ARID1B: variants seen among roughly 807,000 people sequenced by gnomAD.
ARID1B encodes the protein AT-rich interactive domain-containing protein 1B.
ARID1B carries 30 observed loss-of-function variants against 212.3 expected under a neutral mutation model. The ratio of observed to expected loss-of-function variants is 0.14; its 90% CI spans 0.11 to 0.19. The LOEUF is 0.19. Ranked by LOEUF, ARID1B falls within the 10% of genes least tolerant of loss-of-function variation. The probability of loss-of-function intolerance (pLI) is 1.00; values close to 1 mark genes in which losing one functional copy is unlikely to be tolerated. For synonymous variants in ARID1B, 1,402 were observed against 1,301.7 expected, an observed-to-expected ratio of 1.08 and a Z score of -1.66; for missense variants, 2,891 against 3,204.0, an observed-to-expected ratio of 0.90 and a Z score of 2.36.
In ARID1B at chr6:156,899,275, C is replaced by T. The variant is rs140050651; in HGVS notation, c.1987-2101C>T. On this transcript the variant is annotated intron_variant, in intron 2 of 19. Transcript: ENST00000636930. ...GGACTTAGAGTCCATGTATTTCAAA[C>T]CCAAAGATTCTTTGGGTAAACTAGA... Among the ~76,000 whole-genome samples, 276 of 152,272 alleles carry T rather than the reference C, an allele frequency of 1.8e-3. 6 individuals are homozygous for T. In the East Asian group the frequency reaches 0.038, roughly 21 times the overall value.
Position 157,206,706 on chromosome 6 carries a change from A to G in ARID1B, c.5934A>G (p.Arg1978=). ...CTCCCCCCTTAAGCTCCGCAGGTAG[A>G]AAGAAAGAGCAAGAAGGCAAAGGCG... The part of the protein sequence containing the change: ...RPPPPLSSAG[R]KKEQEGKGDS... The change falls in exon 20 of 20, where the codon AGA becomes AGG. Residue 1978 remains arginine, a synonymous_variant. Transcript: ENST00000636930. The surrounding 1 kb of genome is among the most constrained non-coding windows in gnomAD (Gnocchi z 6.8). 6.2e-7 allele frequency: 1 copy of G among 1,612,880 alleles called. No individual in the cohort carries two copies. Among genetic ancestry groups the G allele is most frequent in the Non-Finnish European group, 8.5e-7 (1 of 1,180,010 alleles).
chr6:157,089,721 A>G (rs967132621), intron 5 of ARID1B, among the ~76,000 whole-genome samples: 7 of 152,142 alleles, frequency 4.6e-5, no homozygotes, highest in African/African-American at 1.7e-4. Context: ...TGATGTATTT[A>G]TATTTAGAGA....
intron 2 of ARID1B, among the ~76,000 whole-genome samples, chr6:156,838,733 A>AATAATAAT (rs1049287456): frequency 1.3e-5 from 2 of 149,678 alleles, no homozygotes; most frequent in Admixed American, 6.6e-5. Flanking sequence ...TAATAATAAT[A>AATAATAAT]AACAAAAAAA....
intron 3 of ARID1B, among the ~76,000 whole-genome samples, chr6:156,918,357 G>T (rs565827884): frequency 6.6e-6 from 1 of 152,110 alleles, no homozygotes; most frequent in Admixed American, 6.5e-5. Flanking sequence ...ACCTTACAAG[G>T]CCTGTGGAAA....
At chr6:156,872,724 G>T (rs929111114) in intron 2 of ARID1B, among the ~76,000 whole-genome samples, 1 of 152,104 alleles carries the variant, frequency 6.6e-6, no homozygotes, top group African/African-American at 2.4e-5. Context: ...ACCAGAAAAA[G>T]GGGAAATAGG....
intron 2 of ARID1B, among the ~76,000 whole-genome samples, chr6:156,854,647 C>T (rs932369560): frequency 2.6e-5 from 4 of 152,246 alleles, no homozygotes; most frequent in African/African-American, 7.2e-5. Flanking sequence ...TAAACCGTCG[C>T]GGTGTGCCCC....
intron 5 of ARID1B, 90 bp downstream of exon 5, chr6:157,084,995 A>G: frequency 6.8e-7 from 1 of 1,468,058 alleles, no homozygotes; most frequent in Non-Finnish European, 9.1e-7. Context: ...TTTACTATTT[A>G]AAACCTAGTG....
Position 157,000,092 on chromosome 6 carries a change from C to T in ARID1B, c.2247+64516C>T, listed in dbSNP as rs143438061. Among the ~76,000 whole-genome samples, 7 of 152,234 alleles carry T rather than the reference C, an allele frequency of 4.6e-5. No individual in the cohort carries two copies. In the East Asian group the frequency reaches 1.4e-3, roughly 29 times the overall value. ...TAAAATCTGAAGGAGAAGGAGCCAC[C>T]TAGGCAAGGGTTTGACAAGAGAGCA... On this transcript the variant is annotated intron_variant, in intron 4 of 19. Transcript: ENST00000636930.
rs191596081 is a variant in ARID1B at position 157,048,225 on chromosome 6, C to T, written c.2248-36437C>T. On this transcript the variant is annotated intron_variant, in intron 4 of 19. Coordinates refer to ENST00000636930, the MANE Select transcript of ARID1B (RefSeq NM_001374828.1). Reference sequence around the variant, plus strand: ...GGAATATGCTTAAAGCCAAGTAGAACATTTATGTGAATTAAAGAATATATC... The same window carrying T: ...GGAATATGCTTAAAGCCAAGTAGAATATTTATGTGAATTAAAGAATATATC... Among the ~76,000 whole-genome samples the T allele has an allele frequency of 8.5e-5, 13 of 152,248 alleles. No homozygotes were observed. In the East Asian group the frequency reaches 2.5e-3, roughly 29 times the overall value.
chr6:156,859,688 A>G (rs1016371927), intron 2 of ARID1B, among the ~76,000 whole-genome samples: 1 of 152,236 alleles, frequency 6.6e-6, no homozygotes, highest in Non-Finnish European at 1.5e-5. Context: ...AAGCTTTTCT[A>G]GATTAAAAGC....
At chr6:157,139,106 T>C (rs1005723521) in intron 7 of ARID1B, among the ~76,000 whole-genome samples, 10 of 152,130 alleles carry the variant, frequency 6.6e-5, no homozygotes, top group African/African-American at 1.7e-4. Flanking sequence ...ACAAATCAAC[T>C]TAAAATGAAA....
chr6:157,010,899 C>T lies in ARID1B; in HGVS notation c.2248-73763C>T, dbSNP rs142075029. Reference sequence around the variant, plus strand: ...AGATTGTGATCACTAATAGAACTATCATAGGGAATTATTAGTTTAACTTTT... The same window carrying T: ...AGATTGTGATCACTAATAGAACTATTATAGGGAATTATTAGTTTAACTTTT... On this transcript the variant is annotated intron_variant, in intron 4 of 19. Transcript: ENST00000636930. Among the ~76,000 whole-genome samples the T allele has an allele frequency of 2.7e-3, 409 of 152,260 alleles. 3 individuals carry two copies. The highest frequency in any genetic ancestry group is 7.2e-3 in the African/African-American group (300 of 41,554).
Position 156,818,124 on chromosome 6 carries a change from T to TTTC in ARID1B, c.1792-11103_1792-11102insTTC, listed in dbSNP as rs1554255156. Among the ~76,000 whole-genome samples, 366 of 133,432 alleles carry TTTC rather than the reference T, an allele frequency of 2.7e-3. 10 individuals carry two copies. The highest frequency in any genetic ancestry group is 0.019 in the East Asian group (72 of 3,806). 87.5% of individuals were successfully genotyped at this position (133,432 alleles called of 152,430 possible). A position where few individuals can be genotyped will look rare whatever the true frequency, so the allele number is the denominator to read the frequency against. Reference sequence around the variant, plus strand: ...TTTTTTTTTTTTTTTTTTTTTTTTTTAGAATATAAGATTTGACCATATATT... The same window carrying TTTC: ...TTTTTTTTTTTTTTTTTTTTTTTTTTTTCAGAATATAAGATTTGACCATATATT... On this transcript the variant is annotated intron_variant, in intron 1 of 19. Transcript: ENST00000636930.
intron 3 of ARID1B, among the ~76,000 whole-genome samples, chr6:156,920,889 T>G (rs1024653813): frequency 6.6e-6 from 1 of 151,794 alleles, no homozygotes; most frequent in Non-Finnish European, 1.5e-5. Context: ...AGTTTCACTC[T>G]CGTTGCCCAG....
Position 157,201,465 on chromosome 6 carries a change from G to A in ARID1B, c.5240G>A (p.Arg1747Gln), listed in dbSNP as rs762183842. The change falls in exon 18 of 20, where the codon CGA becomes CAA. Residue 1747 changes from arginine to glutamine, a missense_variant. Arg to Gln is a conservative substitution (Grantham distance 43, BLOSUM62 1). Transcript: ENST00000636930. This position sits in a 1 kb window ranked among gnomAD's most constrained non-coding sequence, Gnocchi z 5.2. ...TCACAACCAGTCTTGAAACAAAGGC[G>A]AAAGATTACCTCCAAAGATATCGGT... ...EASQPVLKQRRKITSKDIVTP... is the reference protein window; with the variant it reads ...EASQPVLKQRQKITSKDIVTP... 9.3e-6 allele frequency: 14 copies of A among 1,507,434 alleles called. No individual in the cohort carries two copies. Among genetic ancestry groups the A allele is most frequent in the East Asian group, 9.2e-5 (4 of 43,512 alleles). The allele number at this position is 1,507,434 out of a possible 1,614,324, so 93.4% of individuals were successfully genotyped here.
intron 4 of ARID1B, among the ~76,000 whole-genome samples, chr6:157,025,989 A>G (rs1780635233): frequency 6.6e-6 from 1 of 152,004 alleles, no homozygotes; most frequent in East Asian, 1.9e-4. Context: ...CAGTGGCACA[A>G]TTTCGGCTCA....
chr6:156,871,623 G>A (rs1207706014), intron 2 of ARID1B: 2 of 1,612,570 alleles, frequency 1.2e-6, no homozygotes, highest in Non-Finnish European at 1.7e-6. Context: ...GGACTCTGGA[G>A]ATGCCACATG....
In ARID1B at chr6:156,778,970, G is replaced by T. The variant is rs1778948071; in HGVS notation, c.1290G>T (p.Ala430=). Residue 430 remains alanine, a synonymous_variant, in exon 1 of 20, where the codon GCG becomes GCT. Transcript: ENST00000636930. ...TGGCGGCGGCGGCCGCGGCGGCGGC[G>T]GCAGCAGCAGGAGGCGGCGGCGGCG... is the stretch of plus-strand genomic sequence containing the variant. ...GAVAAAAAAA[A]AAAGGGGGGG... 7.8e-7 allele frequency: 1 copy of T among 1,280,992 alleles called. No homozygotes were observed. The highest frequency in any genetic ancestry group is 9.8e-7 in the Non-Finnish European group (1 of 1,024,406). The allele number at this position is 1,280,992 out of a possible 1,614,324, so 79.4% of individuals were successfully genotyped here.
At chr6:157,033,073 A>G (rs913966907) in intron 4 of ARID1B, among the ~76,000 whole-genome samples, 1 of 152,122 alleles carries the variant, frequency 6.6e-6, no homozygotes, top group African/African-American at 2.4e-5. Flanking sequence ...TTAAATATTT[A>G]TTTTTATACT....
Sources: allele counts gnomAD v4.1 joint callset (sites outside exome capture counted in the v4.1 genomes callset), GRCh38; gene constraint gnomAD v4.1.1; non-coding constraint Gnocchi (gnomAD v3.1); transcripts MANE v1.5; gene names NCBI Gene and HGNC (gene_info 2026-07-23, HGNC 2026-07-21).